The following ATF7IP2 variants were observed in gnomAD, a reference collection of about 807,000 sequenced individuals.
ATF7IP2 encodes the protein activating transcription factor 7-interacting protein 2.
ATF7IP2 carries 42 observed loss-of-function variants against 64.2 expected under a neutral mutation model. That is an observed-to-expected ratio of 0.65 (90% CI 0.51 to 0.85). ATF7IP2 has a LOEUF of 0.85. ATF7IP2 is among the 40% of genes least tolerant of loss of function. ATF7IP2 has a pLI of 0.00. For missense variants in ATF7IP2, 933 were observed against 784.2 expected (o/e 1.19, Z -2.27); for synonymous variants, 308 against 272.8 (o/e 1.13, Z -1.27).
intron 12 of ATF7IP2, among the ~76,000 whole-genome samples, chr16:10,480,070 C>T (rs181850153): frequency 1.4e-5 from 2 of 144,750 alleles, no homozygotes; most frequent in East Asian, 4.2e-4. Context: ...CTCACTTCAA[C>T]CTCCACCTCC....
At chr16:10,409,035 A>G (rs1758529648) in intron 1 of ATF7IP2, among the ~76,000 whole-genome samples, 1 of 152,210 alleles carries the variant, frequency 6.6e-6, no homozygotes, top group African/African-American at 2.4e-5. Context: ...GTCATTCACG[A>G]TCACAAGAGC....
intron 9 of ATF7IP2, among the ~76,000 whole-genome samples, chr16:10,465,687 C>T (rs528326461): frequency 2.0e-5 from 3 of 148,650 alleles, no homozygotes; most frequent in Non-Finnish European, 3.0e-5. Context: ...TGGCGTCATC[C>T]GAGATTGCAC....
At chr16:10,464,035 GAGA>G (rs1286517821) in intron 9 of ATF7IP2, among the ~76,000 whole-genome samples, 1 of 152,180 alleles carries the variant, frequency 6.6e-6, no homozygotes, top group Non-Finnish European at 1.5e-5. Context: ...AATGCCTTGA[GAGA>G]AGAACACTGG....
At chr16:10,444,218 G>A (rs4780297) in intron 8 of ATF7IP2, among the ~76,000 whole-genome samples, 113,158 of 152,120 alleles carry the variant, frequency 0.74, 42,270 homozygotes, top group East Asian at 0.87. Context: ...AAGAAAGAGG[G>A]AGCAAATTAG....
At chr16:10,434,914 C>G (rs967566228) in intron 6 of ATF7IP2, among the ~76,000 whole-genome samples, 11 of 152,170 alleles carry the variant, frequency 7.2e-5, no homozygotes, top group African/African-American at 2.4e-4. Flanking sequence ...TACAGGTGTG[C>G]ACTAGCACAC....
In ATF7IP2 at chr16:10,387,959, G is replaced by C. The variant is rs141875618; in HGVS notation, c.-242+1837G>C. 9.1e-3 allele frequency among the ~76,000 whole-genome samples: 1,381 copies of C among 152,018 alleles called. 14 individuals are homozygous for C. The highest frequency in any genetic ancestry group is 0.031 in the African/African-American group (1,270 of 41,444). On this transcript the variant is annotated intron_variant, in intron 1 of 13. Coordinates refer to ENST00000562102, the MANE Select transcript of ATF7IP2 (RefSeq NM_001393719.1). ...GCTCTTTGGCTCAGGCTGGAGTGAA[G>C]TGGCGCGATCTCGGCTCACTGCAAC...
At position 10,390,144 on chromosome 16, in the gene ATF7IP2, T is replaced by G. The variant is rs117781481; in HGVS notation, c.-242+4022T>G. 7.8e-3 allele frequency among the ~76,000 whole-genome samples: 1,193 copies of G among 152,308 alleles called. 37 individuals are homozygous for G. The highest frequency in any genetic ancestry group is 0.056 in the East Asian group (291 of 5,184). On this transcript the variant is annotated intron_variant, in intron 1 of 13. Coordinates refer to ENST00000562102, the MANE Select transcript of ATF7IP2 (RefSeq NM_001393719.1). Reference sequence around the variant, plus strand: ...ATTGTTCTTATTAAAGTGTTTATTATGTATTAAGATACTACCTTGGAGAAC... The same window carrying G: ...ATTGTTCTTATTAAAGTGTTTATTAGGTATTAAGATACTACCTTGGAGAAC...
In ATF7IP2 at chr16:10,426,017, G is replaced by A. The variant is rs2048079184; in HGVS notation, c.-159-2851G>A. ...TATTTCAAAATGAAGTTAACAGTGA[G>A]GATACAGCCAAGCAATTATGCATCT... On this transcript the variant is annotated intron_variant, in intron 3 of 13. Transcript: ENST00000562102. Among the ~76,000 whole-genome samples, 3 of 152,236 alleles carry A rather than the reference G, an allele frequency of 2.0e-5. No individual in the cohort carries two copies. In the South Asian group the frequency reaches 6.2e-4, roughly 32 times the overall value.
chr16:10,387,985 C>T (rs968905534), intron 1 of ATF7IP2, among the ~76,000 whole-genome samples: 4 of 152,058 alleles, frequency 2.6e-5, no homozygotes, highest in Admixed American at 6.6e-5. Context: ...TCACTGCAAC[C>T]TCCTCCCTCC....
At chr16:10,406,304 C>A (rs1280514522) in intron 1 of ATF7IP2, among the ~76,000 whole-genome samples, 2 of 151,966 alleles carry the variant, frequency 1.3e-5, no homozygotes, top group African/African-American at 2.4e-5. Context: ...TGGGGTTTTG[C>A]CACGTTGCTT....
intron 1 of ATF7IP2, among the ~76,000 whole-genome samples, chr16:10,394,214 A>G (rs2047381066): frequency 6.6e-6 from 1 of 152,212 alleles, no homozygotes; most frequent in Non-Finnish European, 1.5e-5. Flanking sequence ...TACAACATGC[A>G]AATAGCAACC....
At chr16:10,435,143 G>A (rs1441284642) in intron 6 of ATF7IP2, among the ~76,000 whole-genome samples, 3 of 152,324 alleles carry the variant, frequency 2.0e-5, no homozygotes, top group African/African-American at 7.2e-5. Flanking sequence ...TGTCCAAACA[G>A]TTGTCTCTCT....
At chr16:10,473,574 ATATGT>A (rs2049887232) in intron 11 of ATF7IP2, 40 bp downstream of exon 11, 1 of 1,377,710 alleles carries the variant, frequency 7.3e-7, no homozygotes, top group Non-Finnish European at 1.0e-6. Context: ...GTTTATTTAA[ATATGT>A]TAGTTCAAGG....
chr16:10,439,987 C>A (rs976758688), intron 7 of ATF7IP2, among the ~76,000 whole-genome samples: 2 of 151,682 alleles, frequency 1.3e-5, no homozygotes, highest in African/African-American at 4.8e-5. Flanking sequence ...ATGGAGAAAC[C>A]CCGTCACTAC....
chr16:10,427,977 A>G (rs1314652966), intron 3 of ATF7IP2, among the ~76,000 whole-genome samples: 5 of 152,206 alleles, frequency 3.3e-5, no homozygotes, highest in African/African-American at 1.2e-4. Flanking sequence ...TTATTGCTAT[A>G]CGTAAGCACA....
chr16:10,409,135 T>C (rs746759526), intron 1 of ATF7IP2, among the ~76,000 whole-genome samples: 5 of 152,198 alleles, frequency 3.3e-5, no homozygotes, highest in Non-Finnish European at 7.3e-5. Context: ...CGGGTCAGAC[T>C]GCACATTCTA....
At chr16:10,425,434 AAATT>A (rs1396738778) in intron 3 of ATF7IP2, among the ~76,000 whole-genome samples, 3 of 152,114 alleles carry the variant, frequency 2.0e-5, no homozygotes, top group Non-Finnish European at 4.4e-5. Context: ...TTAAAAAAAA[AAATT>A]AATGACACCT....
intron 1 of ATF7IP2, among the ~76,000 whole-genome samples, chr16:10,388,737 G>A (rs1038844566): frequency 2.7e-4 from 41 of 152,202 alleles, no homozygotes; most frequent in African/African-American, 8.7e-4. Flanking sequence ...TAGGCCGGGC[G>A]CGGTGGCTCA....
At chr16:10,402,113 C>T (rs2047547056) in intron 1 of ATF7IP2, among the ~76,000 whole-genome samples, 1 of 151,850 alleles carries the variant, frequency 6.6e-6, no homozygotes, top group Admixed American at 6.6e-5. Flanking sequence ...CTGCTGTGAC[C>T]TTTATTTCTT....
Sources: allele counts gnomAD v4.1 joint callset (sites outside exome capture counted in the v4.1 genomes callset), GRCh38; gene constraint gnomAD v4.1.1; transcripts MANE v1.5; gene names NCBI Gene and HGNC (gene_info 2026-07-23, HGNC 2026-07-21).